Variants in GPRC5A observed in about 807,000 individuals in gnomAD.
The protein encoded by GPRC5A is retinoic acid-induced protein 3.
GPRC5A carries 19 observed loss-of-function variants against 22.5 expected under a neutral mutation model. The ratio of observed to expected loss-of-function variants is 0.85; its 90% confidence interval spans 0.59 to 1.24. GPRC5A has a LOEUF of 1.24. GPRC5A is among the 50% of genes most tolerant of loss of function. The pLI is 0.00. For synonymous variants in GPRC5A, 192 were observed against 184.5 expected, an observed-to-expected ratio of 1.04 and a Z score of -0.33; for missense variants, 471 against 451.1, an observed-to-expected ratio of 1.04 and a Z score of -0.40.
rs1864045284 is a variant in GPRC5A, at chr12:12,914,758, GGC to G, written c.*2221_*2222del. 5 of 150,762 alleles carry G rather than the reference GGC, an allele frequency of 3.3e-5. No homozygotes were observed. Among genetic ancestry groups the G allele is most frequent in the South Asian group, 2.1e-4 (1 of 4,770 alleles). 9.3% of individuals were successfully genotyped at this position (150,762 alleles called of 1,614,324 possible). A position where few individuals can be genotyped will look rare whatever the true frequency, so the allele number is the denominator to read the frequency against. ...GGCCTTCTGAGTAGCTGGGATTACA[GGC>G]GTGCGTGCGCCACCACGCCTGGCTA... On this transcript the variant is annotated 3_prime_UTR_variant, in exon 4 of 4. Transcript: ENST00000014914.
intron 3 of GPRC5A, 81 bp downstream of exon 3, chr12:12,912,223 C>T (rs750950356): frequency 1.8e-6 from 2 of 1,089,402 alleles, no homozygotes; most frequent in Middle Eastern, 2.0e-4. Flanking sequence ...ACGATGTTAC[C>T]TTTCTCATGG....
chr12:12,897,722 C>T (rs1318538520), intron 1 of GPRC5A, among the ~76,000 whole-genome samples: 1 of 150,500 alleles, frequency 6.6e-6, no homozygotes, highest in Non-Finnish European at 1.5e-5. Flanking sequence ...GGTTTTTGTG[C>T]CTCAGCCTTC....
rs746869578 is a variant in GPRC5A at position 12,912,446 on chromosome 12, G to A, written c.982-1G>A. 1 of 1,603,582 alleles carries A rather than the reference G, an allele frequency of 6.2e-7. No homozygotes were observed. Among genetic ancestry groups the A allele is most frequent in the South Asian group, 1.1e-5 (1 of 90,874 alleles). On this transcript the variant is annotated splice_acceptor_variant, in intron 3 of 3. Coordinates refer to ENST00000014914, the MANE Select transcript of GPRC5A (RefSeq NM_003979.4). LOFTEE classifies it high-confidence loss of function. ...TCACGATATGACTGTTTCCTTTTCA[G>A]AACCAGCCTCCCCAAAAGGAATTCT...
intron 1 of GPRC5A, among the ~76,000 whole-genome samples, chr12:12,893,450 A>G (rs1565462030): frequency 6.6e-6 from 1 of 152,228 alleles, no homozygotes; most frequent in Non-Finnish European, 1.5e-5. Context: ...CAATAAATTG[A>G]GGAGTATTTT....
chr12:12,915,775 G>T lies in GPRC5A; in HGVS notation c.*3236G>T. 6.7e-6 allele frequency: 3 copies of T among 449,578 alleles called. No homozygotes were observed. Among genetic ancestry groups the T allele is most frequent in the South Asian group, 4.9e-5 (3 of 61,234 alleles). The allele number at this position is 449,578 out of a possible 1,614,324, so 27.8% of individuals were successfully genotyped here. A position where few individuals can be genotyped will look rare whatever the true frequency, so the allele number is the denominator to read the frequency against. On this transcript the variant is annotated 3_prime_UTR_variant, in exon 4 of 4. Coordinates refer to ENST00000014914, the MANE Select transcript of GPRC5A (RefSeq NM_003979.4). ...AAAGTGCTGGGATACCGTGGCCTCT[G>T]AAAGTGCTGGGATTACAGGCATGAG...
At chr12:12,901,901 A>G (rs1187501831) in intron 1 of GPRC5A, among the ~76,000 whole-genome samples, 1 of 152,188 alleles carries the variant, frequency 6.6e-6, no homozygotes, top group African/African-American at 2.4e-5. Flanking sequence ...TTTGGTTACA[A>G]ATAATATCCA....
Position 12,900,282 on chromosome 12 carries a change from T to C in GPRC5A, c.-7-7961T>C, listed in dbSNP as rs74448168. On this transcript the variant is annotated intron_variant, in intron 1 of 3. Coordinates refer to ENST00000014914, the MANE Select transcript of GPRC5A (RefSeq NM_003979.4). ...ACAGGAGATGGGGCAAGAATGAGGA[T>C]GAGGGGGAGAAAGAAAGACATCTGG... Among the ~76,000 whole-genome samples, 627 of 152,248 alleles carry C rather than the reference T, an allele frequency of 4.1e-3. 8 individuals are homozygous for C. The highest frequency in any genetic ancestry group is 0.014 in the African/African-American group (588 of 41,552).
chr12:12,910,325 C>A (rs1234988092), intron 2 of GPRC5A, among the ~76,000 whole-genome samples: 2 of 152,132 alleles, frequency 1.3e-5, no homozygotes, highest in East Asian at 3.9e-4. Flanking sequence ...ATTTAACCAC[C>A]CAGCCCCTCC....
In GPRC5A at chr12:12,912,480, C is replaced by T. The variant is rs141809900; in HGVS notation, c.1015C>T (p.Arg339Trp). 7.6e-5 allele frequency: 122 copies of T among 1,612,634 alleles called. No homozygotes were observed. In the Admixed American group the frequency reaches 9.2e-4, roughly 12 times the overall value. The change falls in exon 4 of 4, where the codon CGG becomes TGG. Residue 339 changes from arginine to tryptophan, a missense_variant. By Grantham distance (101) the Arg-to-Trp change is moderately radical. Transcript: ENST00000014914. ...TCCCCAAAAGGAATTCTCCATCCCA[C>T]GGGCCCACGCTTGGCCGAGCCCTTA... The part of the protein sequence containing the change: ...QPPQKEFSIP[R>W]AHAWPSPYKD...
At chr12:12,905,265 C>T (rs1863929442) in intron 1 of GPRC5A, among the ~76,000 whole-genome samples, 1 of 152,162 alleles carries the variant, frequency 6.6e-6, no homozygotes, top group South Asian at 2.1e-4. Flanking sequence ...TTTCCTGCTT[C>T]CCAACCCGAG....
chr12:12,896,215 C>T (rs565744343), intron 1 of GPRC5A, among the ~76,000 whole-genome samples: 10 of 152,176 alleles, frequency 6.6e-5, no homozygotes, highest in South Asian at 2.1e-4. Flanking sequence ...GATGGTAATA[C>T]GCCCAGGGAA....
At position 12,908,546 on chromosome 12, in the gene GPRC5A, C is replaced by T. The variant is rs757918625; in HGVS notation, c.297C>T (p.Phe99=). ...GGAGCACAGGGCCCACACGCTTCTT[C>T]CTCTTTGGGATCCTCTTTTCCATCT... ...LDGSTGPTRF[F]LFGILFSICF... Residue 99 remains phenylalanine (F), a synonymous_variant, in exon 2 of 4, where the codon TTC becomes TTT. Transcript: ENST00000014914. The T allele has an allele frequency of 1.5e-5, 25 of 1,614,024 alleles. No individual in the cohort carries two copies. The highest frequency in any genetic ancestry group is 1.9e-5 in the Non-Finnish European group (23 of 1,180,050).
chr12:12,908,034 G>T (rs927674136), intron 1 of GPRC5A, among the ~76,000 whole-genome samples: 1 of 152,188 alleles, frequency 6.6e-6, no homozygotes, highest in African/African-American at 2.4e-5. Context: ...GGACATATGG[G>T]ATTTCTTCCT....
At chr12:12,893,193 A>C (rs1287776571) in intron 1 of GPRC5A, among the ~76,000 whole-genome samples, 1 of 152,200 alleles carries the variant, frequency 6.6e-6, no homozygotes, top group Non-Finnish European at 1.5e-5. Context: ...AGTTCCTCAT[A>C]GGGGTCTTGG....
Position 12,909,145 on chromosome 12 carries a change from C to T in GPRC5A, c.896C>T (p.Ala299Val). The T allele has an allele frequency of 1.9e-6, 3 of 1,593,736 alleles. No individual in the cohort carries two copies. Among genetic ancestry groups the T allele is most frequent in the Non-Finnish European group, 2.6e-6 (3 of 1,176,088 alleles). Reference protein sequence around the residue: ...VKKSYGVENRAYSQEEITQGF... With the variant: ...VKKSYGVENRVYSQEEITQGF... ...AAGAGCTATGGTGTGGAGAACAGAG[C>T]CTACTCTCAAGAGGAAATCACTCAA... The change falls in exon 2 of 4, where the codon GCC becomes GTC. Residue 299 changes from alanine (A) to valine (V), a missense_variant. Ala to Val is a moderately conservative substitution (Grantham distance 64). Transcript: ENST00000014914.
intron 1 of GPRC5A, among the ~76,000 whole-genome samples, chr12:12,907,521 G>A (rs965323261): frequency 6.6e-6 from 1 of 152,086 alleles, no homozygotes; most frequent in African/African-American, 2.4e-5. Context: ...AGGCTGCAAC[G>A]TTATGATTAA....
At chr12:12,907,400 C>CAAAA (rs567033664) in intron 1 of GPRC5A, among the ~76,000 whole-genome samples, 3 of 90,162 alleles carry the variant, frequency 3.3e-5, no homozygotes, top group Non-Finnish European at 6.3e-5. Flanking sequence ...GACTCTGTCT[C>CAAAA]AAAAAAAAAA....
At chr12:12,896,762 C>T (rs551438787) in intron 1 of GPRC5A, among the ~76,000 whole-genome samples, 164 of 152,266 alleles carry the variant, frequency 1.1e-3, no homozygotes, top group African/African-American at 3.7e-3. Context: ...CGGTGCCTCA[C>T]GCCACCTTCC....
At chr12:12,907,225 G>A (rs1261809246) in intron 1 of GPRC5A, among the ~76,000 whole-genome samples, 5 of 150,780 alleles carry the variant, frequency 3.3e-5, no homozygotes, top group African/African-American at 1.2e-4. Flanking sequence ...GTGAAACCCC[G>A]TCTCTACTAA....
Sources: allele counts gnomAD v4.1 joint callset (sites outside exome capture counted in the v4.1 genomes callset), GRCh38; gene constraint gnomAD v4.1.1; transcripts MANE v1.5; gene names NCBI Gene and HGNC (gene_info 2026-07-23, HGNC 2026-07-21).